Variants in NXPH4 observed in about 807,000 individuals in gnomAD.
The protein encoded by NXPH4 is neurexophilin-4.
NXPH4 carries 8 observed loss-of-function variants against 21.3 expected under a neutral mutation model. The observed-to-expected ratio is 0.38, with a 90% confidence interval of 0.22 to 0.68. NXPH4 has a LOEUF of 0.68. Ranked by LOEUF, NXPH4 falls within the 30% of genes least tolerant of loss-of-function variation. NXPH4 has a pLI of 0.53. For missense variants in NXPH4, 418 were observed against 416.8 expected, an observed-to-expected ratio of 1.00 and a Z score of -0.03; for synonymous variants, 219 against 192.6, an observed-to-expected ratio of 1.14 and a Z score of -1.13.
chr12:57,219,173 A>G (rs1592672981), intron 1 of NXPH4, among the ~76,000 whole-genome samples: 1 of 151,918 alleles, frequency 6.6e-6, no homozygotes, highest in Non-Finnish European at 1.5e-5. Context: ...CTTTTTGGCA[A>G]CCCTAACCAT....
At chr12:57,224,756 C>A (rs750262172) in intron 1 of NXPH4, 122 bp from the exon 2 acceptor site, 4 of 444,300 alleles carry the variant, frequency 9.0e-6, no homozygotes, top group Non-Finnish European at 1.6e-5. Context: ...CTGCCCGCTG[C>A]GGGACTGCGT....
Position 57,225,285 on chromosome 12 carries a change from G to A in NXPH4, c.465G>A (p.Val155=). Residue 155 remains valine (V), a synonymous_variant, in exon 2 of 2, where the codon GTG becomes GTA. Coordinates refer to ENST00000349394, the MANE Select transcript of NXPH4 (RefSeq NM_007224.4). ...SSLGNLSVSI[V]PPSKRVEFGG... is the part of the protein sequence containing the mutation. ...TGGGCAACCTCAGTGTCAGCATCGT[G>A]CCGCCCTCCAAGCGTGTCGAGTTCG... The A allele has an allele frequency of 6.4e-7, 1 of 1,551,818 alleles. No individual in the cohort carries two copies.
Position 57,225,057 on chromosome 12 carries a change from G to T in NXPH4, c.237G>T (p.Arg79=). The change falls in exon 2 of 2, where the codon CGG becomes CGT. Residue 79 remains arginine, a synonymous_variant. Coordinates refer to ENST00000349394, the MANE Select transcript of NXPH4 (RefSeq NM_007224.4). ...CCAACCACACGGGGGCGCTGGCCCG[G>T]GCAGGGGCAGCCGGGGCGTTGCCCG... The part of the protein sequence containing the change: ...WPTNHTGALA[R]AGAAGALPAQ... 6.8e-7 allele frequency: 1 copy of T among 1,479,272 alleles called. No homozygotes were observed. The highest frequency in any genetic ancestry group is 9.0e-7 in the Non-Finnish European group (1 of 1,112,598). 91.6% of individuals were successfully genotyped at this position (1,479,272 alleles called of 1,614,324 possible).
chr12:57,222,313 C>T (rs2136770252), intron 1 of NXPH4, among the ~76,000 whole-genome samples: 1 of 152,190 alleles, frequency 6.6e-6, no homozygotes, highest in South Asian at 2.1e-4. Flanking sequence ...GGGGTGACAC[C>T]CTGGAACCTC....
Position 57,216,845 on chromosome 12 carries a change from GC to G in NXPH4, c.-123del, listed in dbSNP as rs2037042401. 3 of 363,730 alleles carry G rather than the reference GC, an allele frequency of 8.2e-6. No homozygotes were observed. The highest frequency in any genetic ancestry group is 7.5e-5 in the African/African-American group (3 of 40,002). The allele number at this position is 363,730 out of a possible 1,614,324, so 22.5% of individuals were successfully genotyped here. A position where few individuals can be genotyped will look rare whatever the true frequency, so the allele number is the denominator to read the frequency against. ...GTCCGCGGGCCGCGCCGCCGCTCCC[GC>G]CGCTCCCGCCGCTCCCGCCGCTCCC... On this transcript the variant is annotated 5_prime_UTR_variant, in exon 1 of 2. Coordinates refer to ENST00000349394, the MANE Select transcript of NXPH4 (RefSeq NM_007224.4). The surrounding 1 kb of genome is among the most constrained non-coding windows in gnomAD (Gnocchi z 5.3).
intron 1 of NXPH4, among the ~76,000 whole-genome samples, chr12:57,220,660 GC>G (rs922100776): frequency 1.3e-5 from 2 of 151,894 alleles, no homozygotes; most frequent in Admixed American, 1.3e-4. Flanking sequence ...AACCTGCCTG[GC>G]CCCCTCCCAC....
At chr12:57,217,074 A>G in intron 1 of NXPH4, 48 bp downstream of exon 1, 2 of 1,519,392 alleles carry the variant, frequency 1.3e-6, no homozygotes, top group African/African-American at 1.4e-5. Flanking sequence ...GGGTTCCGGG[A>G]CGCGAAGGTC....
Position 57,226,090 on chromosome 12 carries a change from C to A in NXPH4, c.*343C>A, listed in dbSNP as rs2037145610. The A allele has an allele frequency of 1.9e-6, 1 of 529,662 alleles. No homozygotes were observed. 32.8% of individuals were successfully genotyped at this position (529,662 alleles called of 1,614,324 possible). ...CTAGGCTGCGCACTCCCTTTCCCCG[C>A]AGCTTTAATAACTCCTGGCCTGGCA... On this transcript the variant is annotated 3_prime_UTR_variant, in exon 2 of 2. Coordinates refer to ENST00000349394, the MANE Select transcript of NXPH4 (RefSeq NM_007224.4).
chr12:57,220,060 G>A (rs1046382736), intron 1 of NXPH4: 1 of 152,546 alleles, frequency 6.6e-6, no homozygotes, highest in African/African-American at 2.4e-5. Context: ...TGCAACTCAA[G>A]ATGTGTGGGA....
chr12:57,223,244 C>T (rs2037108655), intron 1 of NXPH4, among the ~76,000 whole-genome samples: 1 of 152,112 alleles, frequency 6.6e-6, no homozygotes, highest in East Asian at 1.9e-4. Context: ...GGAAAGGTGA[C>T]ACCTCCAGAC....
At position 57,225,993 on chromosome 12, in the gene NXPH4, A is replaced by G; in HGVS notation, c.*246A>G. ...GTGAAAGGGATAAGAGTGCAGCCCC[A>G]GAATAGGCGGGGCTTGGAGGCGGTC... On this transcript the variant is annotated 3_prime_UTR_variant, in exon 2 of 2. Coordinates refer to ENST00000349394, the MANE Select transcript of NXPH4 (RefSeq NM_007224.4). 7.5e-7 allele frequency: 1 copy of G among 1,329,316 alleles called. No homozygotes were observed. The highest frequency in any genetic ancestry group is 9.8e-7 in the Non-Finnish European group (1 of 1,019,460). 82.3% of individuals were successfully genotyped at this position (1,329,316 alleles called of 1,614,324 possible).
chr12:57,225,229 A>G lies in NXPH4; in HGVS notation c.409A>G (p.Ser137Gly). The change falls in exon 2 of 2, where the codon AGT becomes GGT. Residue 137 changes from serine to glycine, a missense_variant. By Grantham distance (56) the Ser-to-Gly change is moderately conservative. Transcript: ENST00000349394. ...CGTGGACCATGTGAACGGTACCTTC[A>G]GTGTGTATTTCCGCCACAACTCGTC... is the stretch of plus-strand genomic sequence containing the variant. ...KIVDHVNGTF[S>G]VYFRHNSSSL... 2 of 1,568,224 alleles carry G rather than the reference A, an allele frequency of 1.3e-6. No individual in the cohort carries two copies. Among genetic ancestry groups the G allele is most frequent in the Non-Finnish European group, 1.7e-6 (2 of 1,158,200 alleles).
intron 1 of NXPH4, among the ~76,000 whole-genome samples, chr12:57,217,311 A>G (rs1239756485): frequency 6.6e-6 from 1 of 152,216 alleles, no homozygotes; most frequent in African/African-American, 2.4e-5. Context: ...TGCGCCAGAC[A>G]GAGCGGGAGT....
chr12:57,223,321 CCAGT>C (rs1271356449), intron 1 of NXPH4, among the ~76,000 whole-genome samples: 1 of 152,108 alleles, frequency 6.6e-6, no homozygotes, highest in Non-Finnish European at 1.5e-5. Context: ...CGTAACCACA[CCAGT>C]CACACAGACA....
intron 1 of NXPH4, chr12:57,220,092 G>A (rs563498339): frequency 3.9e-5 from 6 of 152,818 alleles, no homozygotes; most frequent in African/African-American, 1.4e-4. Context: ...CAGGGCAACA[G>A]AGAGGGGGCA....
chr12:57,220,550 G>A (rs1047792938), intron 1 of NXPH4, among the ~76,000 whole-genome samples: 1 of 152,208 alleles, frequency 6.6e-6, no homozygotes, highest in African/African-American at 2.4e-5. Context: ...AGGGGTAGAG[G>A]GAGGGGGCGT....
chr12:57,221,467 G>A (rs945528977), intron 1 of NXPH4: 5 of 406,496 alleles, frequency 1.2e-5, no homozygotes, highest in African/African-American at 1.0e-4. Flanking sequence ...AATCCCAGCA[G>A]TGTCATCCCC....
chr12:57,221,333 G>A (rs557524947), intron 1 of NXPH4: 14 of 455,842 alleles, frequency 3.1e-5, no homozygotes, highest in East Asian at 2.1e-4. Flanking sequence ...CCCTTCCTCC[G>A]GCCAGATCCT....
rs1343671359 is a variant in NXPH4, at chr12:57,226,203, G to A, written c.*456G>A. 2 of 397,648 alleles carry A rather than the reference G, an allele frequency of 5.0e-6. No individual in the cohort carries two copies. The highest frequency in any genetic ancestry group is 8.9e-6 in the Non-Finnish European group (2 of 224,116). The allele number at this position is 397,648 out of a possible 1,614,324, so 24.6% of individuals were successfully genotyped here. A position where few individuals can be genotyped will look rare whatever the true frequency, so the allele number is the denominator to read the frequency against. On this transcript the variant is annotated 3_prime_UTR_variant, in exon 2 of 2. Coordinates refer to ENST00000349394, the MANE Select transcript of NXPH4 (RefSeq NM_007224.4). ...AAGACTGTAAAGGCCTAAAAACCTC[G>A]GCCTGTCCTCCCACCATTCTGCCTG...
Sources: gnomAD v4.1 joint callset for allele counts (sites outside exome capture counted in the v4.1 genomes callset) on GRCh38, gnomAD v4.1.1 for gene constraint, Gnocchi (gnomAD v3.1) non-coding constraint, MANE v1.5 for transcripts, NCBI Gene and HGNC (gene_info 2026-07-23, HGNC 2026-07-21) for gene names.